DLG2: variants seen among roughly 807,000 people sequenced by gnomAD.
DLG2 encodes disks large homolog 2.
In DLG2, 45 loss-of-function variants were observed where a neutral mutation model predicts 132.5. That is an observed-to-expected ratio of 0.34 (90% CI 0.27 to 0.44). The LOEUF (loss-of-function observed/expected upper bound fraction) is 0.44, where lower values mean the gene tolerates loss of function less well. DLG2 is among the 20% of genes least tolerant of loss of function. The probability of loss-of-function intolerance (pLI) is 1.00; values close to 1 mark genes in which losing one functional copy is unlikely to be tolerated. For synonymous variants in DLG2, 424 were observed against 419.6 expected (o/e 1.01, Z -0.13); for missense variants, 1,045 against 1,196.9 (o/e 0.87, Z 1.87).
chr11:84,829,148 G>T (rs1431418417), intron 6 of DLG2, among the ~76,000 whole-genome samples: 1 of 151,760 alleles, frequency 6.6e-6, no homozygotes, highest in East Asian at 2.0e-4. Flanking sequence ...GTAGATTATT[G>T]TAATTCCCAA....
rs143202252 is a variant in DLG2 at position 85,111,697 on chromosome 11, C to T, written c.321G>A (p.Val107=). The change falls in exon 6 of 28, where the codon GTG becomes GTA. Residue 107 remains valine, a synonymous_variant. Coordinates refer to ENST00000376104, the MANE Select transcript of DLG2 (RefSeq NM_001142699.3). ...GGACAGGCATCCAAGCAGGGGCTTC[C>T]ACTGAACAATTCTGGGCTGGGCATC... The part of the protein sequence containing the change: ...QGRCPAQNCS[V]EAPAWMPVHH... 6.4e-7 allele frequency: 1 copy of T among 1,565,250 alleles called. No homozygotes were observed. Among genetic ancestry groups the T allele is most frequent in the Non-Finnish European group, 8.7e-7 (1 of 1,154,162 alleles).
At chr11:84,855,934 G>A (rs1259999789) in intron 6 of DLG2, among the ~76,000 whole-genome samples, 2 of 152,046 alleles carry the variant, frequency 1.3e-5, no homozygotes, top group Non-Finnish European at 2.9e-5. Context: ...AGTTGGAACA[G>A]AGGCTAGCGA....
intron 3 of DLG2, among the ~76,000 whole-genome samples, chr11:85,507,159 T>C (rs1043261802): frequency 1.4e-4 from 22 of 152,216 alleles, no homozygotes; most frequent in Non-Finnish European, 1.0e-4. Flanking sequence ...CTTGACTCTT[T>C]GTCCAATTTG....
chr11:83,630,782 T>C (rs2063416998), intron 19 of DLG2, among the ~76,000 whole-genome samples: 1 of 152,168 alleles, frequency 6.6e-6, no homozygotes, highest in Admixed American at 6.6e-5. Context: ...TCTCTGTCTC[T>C]GTTCTCCTCA....
At chr11:84,758,391 T>C (rs2067174218) in intron 6 of DLG2, among the ~76,000 whole-genome samples, 1 of 152,242 alleles carries the variant, frequency 6.6e-6, no homozygotes, top group African/African-American at 2.4e-5. Flanking sequence ...ATCAATGTTG[T>C]CTGTAAAATG....
At chr11:85,150,594 C>T (rs1263910960) in intron 5 of DLG2, among the ~76,000 whole-genome samples, 2 of 151,968 alleles carry the variant, frequency 1.3e-5, no homozygotes, top group Non-Finnish European at 2.9e-5. Context: ...TGGAATCATA[C>T]AGTGTTTGTC....
At chr11:84,821,037 G>T (rs1263484734) in intron 6 of DLG2, among the ~76,000 whole-genome samples, 2 of 151,866 alleles carry the variant, frequency 1.3e-5, no homozygotes, top group East Asian at 3.9e-4. Context: ...ATGAATGAAT[G>T]AACAAATAAA....
intron 19 of DLG2, among the ~76,000 whole-genome samples, chr11:83,585,148 T>A (rs1231537942): frequency 6.6e-6 from 1 of 152,230 alleles, no homozygotes; most frequent in Non-Finnish European, 1.5e-5. Context: ...ATGGAAATAA[T>A]TAAGATTCTT....
chr11:85,334,396 C>T (rs1214668871), intron 3 of DLG2, among the ~76,000 whole-genome samples: 1 of 151,942 alleles, frequency 6.6e-6, no homozygotes, highest in Non-Finnish European at 1.5e-5. Context: ...TTTGTTTCAT[C>T]TATATTTTGT....
chr11:85,214,311 T>C (rs1156963868), intron 4 of DLG2, among the ~76,000 whole-genome samples: 1 of 152,194 alleles, frequency 6.6e-6, no homozygotes, highest in Non-Finnish European at 1.5e-5. Flanking sequence ...CTCAAGTCAT[T>C]GCTTGACACT....
At chr11:84,595,760 A>G (rs774905466) in intron 6 of DLG2, among the ~76,000 whole-genome samples, 4 of 152,236 alleles carry the variant, frequency 2.6e-5, no homozygotes, top group Non-Finnish European at 5.9e-5. Flanking sequence ...AGCATAAAAG[A>G]AGAAATATCA....
At chr11:84,986,372 T>C (rs905583445) in intron 6 of DLG2, among the ~76,000 whole-genome samples, 1 of 152,120 alleles carries the variant, frequency 6.6e-6, no homozygotes, top group African/African-American at 2.4e-5. Flanking sequence ...GAAGAATTGG[T>C]ACCAACCCTA....
chr11:84,996,871 A>T (rs887681773), intron 6 of DLG2, among the ~76,000 whole-genome samples: 1 of 152,192 alleles, frequency 6.6e-6, no homozygotes, highest in African/African-American at 2.4e-5. Flanking sequence ...CTTGCAGCTG[A>T]TATGTGACAG....
rs144968111 is a variant in DLG2 at position 84,179,724 on chromosome 11, C to A, written c.574-16213G>T. On this transcript the variant is annotated intron_variant, in intron 8 of 27. Coordinates refer to ENST00000376104, the MANE Select transcript of DLG2 (RefSeq NM_001142699.3). ...GCTTCTCTCAGGAGAAATTATTTTA[C>A]CAGAGCCTAACCTGTCGGGGTTTTA... is the stretch of plus-strand genomic sequence containing the variant. 5.0e-4 allele frequency among the ~76,000 whole-genome samples: 76 copies of A among 152,226 alleles called. 1 individual carries two copies. Among genetic ancestry groups the A allele is most frequent in the African/African-American group, 1.8e-3 (74 of 41,540 alleles).
intron 17 of DLG2, among the ~76,000 whole-genome samples, chr11:83,805,773 T>C (rs1040698484): frequency 1.3e-5 from 2 of 152,168 alleles, no homozygotes; most frequent in Non-Finnish European, 2.9e-5. Context: ...CAATGCAGCT[T>C]TTACCACAAC....
chr11:83,827,796 G>T (rs1336681338), intron 17 of DLG2, among the ~76,000 whole-genome samples: 2 of 152,220 alleles, frequency 1.3e-5, no homozygotes, highest in Non-Finnish European at 2.9e-5. Flanking sequence ...TCCTTCTGCA[G>T]AAAGAATGCC....
intron 5 of DLG2, among the ~76,000 whole-genome samples, chr11:85,113,775 G>C (rs1335433281): frequency 1.3e-5 from 2 of 151,960 alleles, no homozygotes; most frequent in Non-Finnish European, 2.9e-5. Flanking sequence ...GAGAGAGGAA[G>C]AGCCAAATCT....
intron 17 of DLG2, among the ~76,000 whole-genome samples, chr11:83,808,627 A>G (rs2046506873): frequency 6.6e-6 from 1 of 152,132 alleles, no homozygotes; most frequent in African/African-American, 2.4e-5. Context: ...CCAGACATAT[A>G]ATTCTGCATT....
chr11:85,561,609 T>C (rs1319476051), intron 3 of DLG2, among the ~76,000 whole-genome samples: 1 of 151,784 alleles, frequency 6.6e-6, no homozygotes, highest in Non-Finnish European at 1.5e-5. Flanking sequence ...ATTATTTGAA[T>C]AGACAAAGCA....
Sources: gnomAD v4.1 joint callset for allele counts (sites outside exome capture counted in the v4.1 genomes callset) on GRCh38, gnomAD v4.1.1 for gene constraint, MANE v1.5 for transcripts, NCBI Gene and HGNC (gene_info 2026-07-23, HGNC 2026-07-21) for gene names.